DOCK3: variants seen among roughly 807,000 people sequenced by gnomAD.
DOCK3 encodes dedicator of cytokinesis 3.
Under a neutral mutation model 265.6 loss-of-function variants are expected in DOCK3, and 60 were observed. That is an observed-to-expected ratio of 0.23 (90% CI 0.18 to 0.28). The LOEUF (loss-of-function observed/expected upper bound fraction) is 0.28, where lower values mean the gene tolerates loss of function less well. Ranked by LOEUF, DOCK3 falls within the 10% of genes least tolerant of loss-of-function variation. DOCK3 has a pLI of 1.00. For missense variants in DOCK3, 1,981 were observed against 2,594.3 expected (o/e 0.76, Z 5.14); for synonymous variants, 881 against 938.0 (o/e 0.94, Z 1.11).
At chr3:51,131,598 T>C (rs556337150) in intron 9 of DOCK3, among the ~76,000 whole-genome samples, 1 of 152,240 alleles carries the variant, frequency 6.6e-6, no homozygotes, top group East Asian at 1.9e-4. Flanking sequence ...AACCTAGAAA[T>C]TTTCTGCTTG....
chr3:51,347,500 C>A (rs556719651), intron 38 of DOCK3, among the ~76,000 whole-genome samples: 1 of 152,260 alleles, frequency 6.6e-6, no homozygotes, highest in East Asian at 1.9e-4. Flanking sequence ...TGGTCCATAT[C>A]TCTGTTTTGG....
Position 51,361,603 on chromosome 3 carries a change from C to T in DOCK3, c.5007-256C>T, listed in dbSNP as rs2086735745. On this transcript the variant is annotated intron_variant, in intron 47 of 52. Coordinates refer to ENST00000266037, the MANE Select transcript of DOCK3 (RefSeq NM_004947.5). This position sits in a 1 kb window ranked among gnomAD's most constrained non-coding sequence, Gnocchi z 4.2. ...CTGCTAATGTCATGCAACTGAGTGG[C>T]CATAAGCCATGTAGCTGTAGGTAGA... Among the ~76,000 whole-genome samples, 1 of 152,118 alleles carries T rather than the reference C, an allele frequency of 6.6e-6. No individual in the cohort carries two copies. The highest frequency in any genetic ancestry group is 2.4e-5 in the African/African-American group (1 of 41,418).
intron 9 of DOCK3, among the ~76,000 whole-genome samples, chr3:51,121,833 T>C (rs2084031201): frequency 6.6e-6 from 1 of 152,188 alleles, no homozygotes; most frequent in Non-Finnish European, 1.5e-5. Flanking sequence ...AACAGTTTGC[T>C]AGTATCCAAT....
intron 7 of DOCK3, among the ~76,000 whole-genome samples, chr3:51,078,337 GA>G (rs2082121204): frequency 6.6e-6 from 1 of 152,160 alleles, no homozygotes; most frequent in Non-Finnish European, 1.5e-5. Flanking sequence ...CAGTAGGAGA[GA>G]AAACGTTTAA....
In DOCK3 at chr3:50,816,323, C is replaced by CTT. The variant is rs68016163; in HGVS notation, c.122-25335_122-25334dup. Among the ~76,000 whole-genome samples the CTT allele has an allele frequency of 7.8e-3, 694 of 88,706 alleles. 11 individuals carry two copies. The highest frequency in any genetic ancestry group is 0.022 in the African/African-American group (571 of 25,418). The allele number at this position is 88,706 out of a possible 152,430, so 58.2% of individuals were successfully genotyped here. On this transcript the variant is annotated intron_variant, in intron 2 of 52. Coordinates refer to ENST00000266037, the MANE Select transcript of DOCK3 (RefSeq NM_004947.5). ...AATGTTTTTTTCTGTTCTTGTAACT[C>CTT]TTTTTTTTTTTTTTTTTTGAGACAC...
At chr3:51,269,571 T>C (rs1207862131) in intron 23 of DOCK3, among the ~76,000 whole-genome samples, 1 of 152,156 alleles carries the variant, frequency 6.6e-6, no homozygotes, top group Non-Finnish European at 1.5e-5. Context: ...AAATTTTCAC[T>C]CACTCTAAGC....
At chr3:50,731,906 G>C (rs2038235280) in intron 1 of DOCK3, among the ~76,000 whole-genome samples, 1 of 152,020 alleles carries the variant, frequency 6.6e-6, no homozygotes, top group African/African-American at 2.4e-5. Flanking sequence ...ATAAATATTG[G>C]AATTAAAGAA....
In DOCK3 at chr3:51,381,798, G is replaced by A. The variant is rs1385184329; in HGVS notation, c.*239G>A. On this transcript the variant is annotated 3_prime_UTR_variant, in exon 53 of 53. Transcript: ENST00000266037. The surrounding 1 kb of genome is among the most constrained non-coding windows in gnomAD (Gnocchi z 5.6). Reference sequence around the variant, plus strand: ...TTTTTTTACATTTCCATTTCTATGGGTTTTCCTTTCTTTCCTTTATGCAGT... The same window carrying A: ...TTTTTTTACATTTCCATTTCTATGGATTTTCCTTTCTTTCCTTTATGCAGT... The A allele has an allele frequency of 1.1e-5, 5 of 471,034 alleles. No individual in the cohort carries two copies. The highest frequency in any genetic ancestry group is 1.8e-5 in the Non-Finnish European group (5 of 274,692). The allele number at this position is 471,034 out of a possible 1,614,324, so 29.2% of individuals were successfully genotyped here.
At chr3:51,250,078 G>T (rs933287213) in intron 22 of DOCK3, among the ~76,000 whole-genome samples, 32 of 151,800 alleles carry the variant, frequency 2.1e-4, no homozygotes, top group Non-Finnish European at 5.9e-5. Flanking sequence ...AAGGCAGCAT[G>T]CTCATTAAGA....
intron 6 of DOCK3, among the ~76,000 whole-genome samples, chr3:51,070,150 G>C (rs549538586): frequency 6.6e-6 from 1 of 152,262 alleles, no homozygotes; most frequent in South Asian, 2.1e-4. Flanking sequence ...CTCAGCACTT[G>C]GTAGGCACTA....
chr3:51,293,596 A>G (rs752014136), intron 27 of DOCK3, among the ~76,000 whole-genome samples: 1 of 152,214 alleles, frequency 6.6e-6, no homozygotes, highest in Non-Finnish European at 1.5e-5. Context: ...CTGGCAATGA[A>G]AATAAAAATA....
intron 2 of DOCK3, among the ~76,000 whole-genome samples, chr3:50,805,506 G>A (rs1028276308): frequency 5.3e-5 from 8 of 152,184 alleles, no homozygotes; most frequent in African/African-American, 1.9e-4. Context: ...ATGGCTTGTG[G>A]GGCTGTTTCT....
chr3:50,976,563 G>C (rs1449337369), intron 5 of DOCK3, among the ~76,000 whole-genome samples: 3,305 of 134,932 alleles, frequency 0.024, 61 homozygotes, highest in East Asian at 0.14. Flanking sequence ...TTACTTCCAA[G>C]TATTTGGTCA....
chr3:51,221,318 G>A (rs1281259274), intron 14 of DOCK3, among the ~76,000 whole-genome samples: 1 of 152,154 alleles, frequency 6.6e-6, no homozygotes, highest in African/African-American at 2.4e-5. Flanking sequence ...GCAGTGTAGT[G>A]TGGCTGTTCT....
chr3:51,191,055 C>G (rs1408260661), intron 12 of DOCK3, among the ~76,000 whole-genome samples: 1 of 152,170 alleles, frequency 6.6e-6, no homozygotes, highest in Non-Finnish European at 1.5e-5. Flanking sequence ...GGTCTCATAC[C>G]TGCAGTGATC....
chr3:50,946,495 A>G (rs1338453855), intron 5 of DOCK3, among the ~76,000 whole-genome samples: 1 of 152,200 alleles, frequency 6.6e-6, no homozygotes, highest in African/African-American at 2.4e-5. Flanking sequence ...TTACAATCTA[A>G]AAGTATATTT....
chr3:51,029,619 A>G (rs1289728623), intron 5 of DOCK3, among the ~76,000 whole-genome samples: 1 of 152,158 alleles, frequency 6.6e-6, no homozygotes, highest in Non-Finnish European at 1.5e-5. Flanking sequence ...CCTTTGTCCC[A>G]AGGCGGGGCT....
chr3:51,174,688 A>G (rs1460751642), intron 12 of DOCK3, among the ~76,000 whole-genome samples: 1 of 152,148 alleles, frequency 6.6e-6, no homozygotes, highest in Admixed American at 6.5e-5. Flanking sequence ...TGTTTGCATG[A>G]TTCTTCATGA....
At chr3:51,226,501 C>T (rs1415054163) in intron 15 of DOCK3, among the ~76,000 whole-genome samples, 1 of 152,182 alleles carries the variant, frequency 6.6e-6, no homozygotes, top group African/African-American at 2.4e-5. Flanking sequence ...TAAAATTAGT[C>T]AAAATCATTT....
Sources: allele counts gnomAD v4.1 joint callset (sites outside exome capture counted in the v4.1 genomes callset), GRCh38; gene constraint gnomAD v4.1.1; non-coding constraint Gnocchi (gnomAD v3.1); transcripts MANE v1.5; gene names NCBI Gene and HGNC (gene_info 2026-07-23, HGNC 2026-07-21).